The following LSP1 variants were observed in gnomAD, a reference collection of about 807,000 sequenced individuals.
The protein encoded by LSP1 is lymphocyte specific protein 1.
A neutral mutation model predicts 49.3 loss-of-function variants in LSP1; 32 were observed. The observed-to-expected ratio is 0.65, with a 90% CI of 0.49 to 0.87. The LOEUF (loss-of-function observed/expected upper bound fraction) is 0.87, where lower values mean the gene tolerates loss of function less well. Ranked by LOEUF, LSP1 falls within the 40% of genes least tolerant of loss-of-function variation. The pLI, the probability that LSP1 is intolerant of heterozygous loss-of-function variation, is 0.00. For synonymous variants in LSP1, 179 were observed against 178.8 expected, an observed-to-expected ratio of 1.00 and a Z score of -0.01; for missense variants, 428 against 442.6, an observed-to-expected ratio of 0.97 and a Z score of 0.30.
chr11:1,887,524 G>A lies in LSP1; in HGVS notation c.981G>A (p.Lys327=), dbSNP rs1848807416. ...RYKFVATGHG[K]YEKVLVEGGP... is the part of the protein sequence containing the mutation. ...AGTTTGTGGCCACCGGGCATGGGAA[G>A]TATGAGAAGGTGCTTGTGGAAGGGG... The change falls in exon 10 of 11, where the codon AAG becomes AAA. Residue 327 remains lysine (K), a synonymous_variant. Transcript: ENST00000311604. 3.7e-6 allele frequency: 6 copies of A among 1,613,768 alleles called. No homozygotes were observed. Among genetic ancestry groups the A allele is most frequent in the Non-Finnish European group, 3.4e-6 (4 of 1,179,978 alleles).
chr11:1,876,720 G>C, intron 1 of LSP1: 1 of 847,146 alleles, frequency 1.2e-6, no homozygotes, highest in Non-Finnish European at 1.4e-6. Flanking sequence ...TAGAAGTGGG[G>C]GTGGGGGTTT....
chr11:1,889,291 G>A (rs1400192327), intron 10 of LSP1: 12 of 698,538 alleles, frequency 1.7e-5, no homozygotes, highest in Admixed American at 1.5e-4. Flanking sequence ...AAGGGCAGGC[G>A]GGTGAGGCTG....
At chr11:1,887,911 G>T (rs1290280494) in intron 10 of LSP1, among the ~76,000 whole-genome samples, 1 of 152,170 alleles carries the variant, frequency 6.6e-6, no homozygotes, top group Non-Finnish European at 1.5e-5. Flanking sequence ...CACAGGGCTA[G>T]CATTGAAGGA....
intron 1 of LSP1, chr11:1,870,236 G>A (rs1205264019): frequency 3.9e-6 from 5 of 1,285,298 alleles, no homozygotes; most frequent in Non-Finnish European, 5.1e-6. Flanking sequence ...CACTGAAGCT[G>A]GTCCTTCATA....
intron 10 of LSP1, chr11:1,890,808 G>A: frequency 5.2e-6 from 3 of 580,158 alleles, no homozygotes; most frequent in Non-Finnish European, 6.1e-6. Context: ...TAGAAATGAG[G>A]CCACAGAGGC....
chr11:1,861,116 A>G (rs1352940291), intron 1 of LSP1, among the ~76,000 whole-genome samples: 1 of 152,240 alleles, frequency 6.6e-6, no homozygotes, highest in Non-Finnish European at 1.5e-5. Context: ...TTCCAGGAAC[A>G]CTTCCTCCCA....
rs544292322 is a variant in LSP1 at position 1,870,615 on chromosome 11, G to A, written c.54-9472G>A. 3.9e-5 allele frequency: 43 copies of A among 1,106,582 alleles called. No individual in the cohort carries two copies. In the South Asian group the frequency reaches 9.3e-4, roughly 24 times the overall value. The allele number at this position is 1,106,582 out of a possible 1,614,324, so 68.5% of individuals were successfully genotyped here. On this transcript the variant is annotated intron_variant, in intron 1 of 10. Transcript: ENST00000311604. The stretch of plus-strand genomic sequence containing the variant: ...AGTGGAGCAGGTGGTTGAATGCCAG[G>A]CTGGCTTGGTCCTTCTCTCTGGGTG...
intron 1 of LSP1, among the ~76,000 whole-genome samples, chr11:1,878,610 C>A (rs1848409680): frequency 6.6e-6 from 1 of 152,050 alleles, no homozygotes; most frequent in South Asian, 2.1e-4. Flanking sequence ...TTAGGGGAGA[C>A]CTAGGAGAGA....
At chr11:1,854,267 G>A (rs911124371) in intron 1 of LSP1, among the ~76,000 whole-genome samples, 3 of 152,102 alleles carry the variant, frequency 2.0e-5, no homozygotes, top group Non-Finnish European at 4.4e-5. Context: ...TGTGATGCCC[G>A]CAGCCACACA....
At chr11:1,878,794 C>T (rs1848417551) in intron 1 of LSP1, among the ~76,000 whole-genome samples, 1 of 152,036 alleles carries the variant, frequency 6.6e-6, no homozygotes, top group Non-Finnish European at 1.5e-5. Context: ...GATAATAAGC[C>T]CTGTAGGAGT....
At chr11:1,855,267 G>T (rs962647168) in intron 1 of LSP1, among the ~76,000 whole-genome samples, 52 of 152,316 alleles carry the variant, frequency 3.4e-4, no homozygotes, top group Non-Finnish European at 1.6e-4. Flanking sequence ...ACCCAGGCAG[G>T]GATGTATGGC....
intron 1 of LSP1, chr11:1,869,689 A>C (rs1418063564): frequency 8.5e-6 from 4 of 470,816 alleles, no homozygotes; most frequent in South Asian, 6.2e-5. Context: ...GGAAGATCAA[A>C]GAAGCGAGAA....
At chr11:1,869,579 G>A (rs1428890710) in intron 1 of LSP1, 1 of 463,012 alleles carries the variant, frequency 2.2e-6, no homozygotes, top group Non-Finnish European at 4.5e-6. Context: ...TGGGAGGAGG[G>A]GTCTCTCCCA....
rs766749054 is a variant in LSP1 at position 1,867,948 on chromosome 11, C to T, written c.54-12139C>T. On this transcript the variant is annotated intron_variant, in intron 1 of 10. Coordinates refer to ENST00000311604, the MANE Select transcript of LSP1 (RefSeq NM_002339.3). Reference sequence around the variant, plus strand: ...GCTGTACCCAGCCCCTGCCAGAATGCGGCTTCTGGCTGGCAGGGTCAGGCC... The same window carrying T: ...GCTGTACCCAGCCCCTGCCAGAATGTGGCTTCTGGCTGGCAGGGTCAGGCC... Among the ~76,000 whole-genome samples, 50 of 152,138 alleles carry T rather than the reference C, an allele frequency of 3.3e-4. 1 individual carries two copies. Among genetic ancestry groups the T allele is most frequent in the Non-Finnish European group, 5.0e-4 (34 of 68,014 alleles).
chr11:1,884,301 C>T lies in LSP1; in HGVS notation c.613C>T (p.Leu205=), dbSNP rs1232021392. Residue 205 remains leucine, a synonymous_variant, in exon 6 of 11, where the codon CTA becomes TTA. Transcript: ENST00000311604. The surrounding 1 kb of genome is among the most constrained non-coding windows in gnomAD (Gnocchi z 4.1). Reference sequence around the variant, plus strand: ...GCAGCTCATCGACAGGACCGAGTCCCTAAACCGCTCCATAGAGAAGAGGTC... The same window carrying T: ...GCAGCTCATCGACAGGACCGAGTCCTTAAACCGCTCCATAGAGAAGAGGTC... ...TTKLIDRTES[L]NRSIEKSNSV... The T allele has an allele frequency of 6.2e-7, 1 of 1,614,130 alleles. No homozygotes were observed. The highest frequency in any genetic ancestry group is 8.5e-7 in the Non-Finnish European group (1 of 1,180,014).
At chr11:1,866,268 G>A (rs897458942) in intron 1 of LSP1, among the ~76,000 whole-genome samples, 11 of 152,200 alleles carry the variant, frequency 7.2e-5, no homozygotes, top group African/African-American at 1.4e-4. Context: ...CATGCTGGCC[G>A]GACCTCGAGC....
intron 1 of LSP1, among the ~76,000 whole-genome samples, chr11:1,854,487 G>A (rs1018267436): frequency 5.9e-5 from 9 of 152,184 alleles, no homozygotes; most frequent in Admixed American, 3.9e-4. Context: ...CTTGGTGGCC[G>A]TCACATTGCT....
At chr11:1,876,793 C>G (rs533617892) in intron 1 of LSP1, 1 of 277,228 alleles carries the variant, frequency 3.6e-6, no homozygotes, top group African/African-American at 2.3e-5. Flanking sequence ...TGGATGAGGC[C>G]GGCAGGAACA....
intron 1 of LSP1, among the ~76,000 whole-genome samples, chr11:1,854,937 C>T (rs558698233): frequency 2.6e-4 from 39 of 152,112 alleles, no homozygotes; most frequent in Admixed American, 9.2e-4. Flanking sequence ...GGGCCAGGAG[C>T]GGGGAGGGGG....
Sources: allele counts gnomAD v4.1 joint callset (sites outside exome capture counted in the v4.1 genomes callset), GRCh38; gene constraint gnomAD v4.1.1; non-coding constraint Gnocchi (gnomAD v3.1); transcripts MANE v1.5; gene names NCBI Gene and HGNC (gene_info 2026-07-23, HGNC 2026-07-21).